Variants in SUPT3H observed in about 807,000 individuals in gnomAD.
SUPT3H encodes SPT3 homolog, SAGA and STAGA complex component, also known as transcription initiation protein SPT3 homolog.
A neutral mutation model predicts 44.3 loss-of-function variants in SUPT3H; 44 were observed. That is an observed-to-expected ratio of 0.99 (90% CI 0.78 to 1.28). SUPT3H has a LOEUF of 1.28. Among genes scored for constraint, SUPT3H ranks in the 50% most tolerant of loss-of-function variants. SUPT3H has a pLI of 0.00. For missense variants in SUPT3H, 380 were observed against 387.1 expected (o/e 0.98, Z 0.15); for synonymous variants, 124 against 125.6 (o/e 0.99, Z 0.09).
At chr6:44,884,546 A>G (rs780986503) in intron 10 of SUPT3H, among the ~76,000 whole-genome samples, 1 of 152,216 alleles carries the variant, frequency 6.6e-6, no homozygotes, top group Middle Eastern at 3.2e-3. Context: ...ACATATGTTT[A>G]CTGCAGCACT....
Position 45,172,685 on chromosome 6 carries a change from A to G in SUPT3H, c.102-66679T>C, listed in dbSNP as rs1160149592. 5.3e-5 allele frequency among the ~76,000 whole-genome samples: 8 copies of G among 150,766 alleles called. No individual in the cohort carries two copies. In the South Asian group the frequency reaches 1.5e-3, roughly 28 times the overall value. The stretch of plus-strand genomic sequence containing the variant: ...CAGCTCGCTACAACCTCTGCCTCCC[A>G]GGTTCAAGTGATTCTCCTGTCTCAG... On this transcript the variant is annotated intron_variant, in intron 2 of 10. Coordinates refer to ENST00000371459, the MANE Select transcript of SUPT3H (RefSeq NM_003599.4).
chr6:44,936,595 CTTTCTG>C (rs746946881), intron 9 of SUPT3H, among the ~76,000 whole-genome samples: 1 of 151,622 alleles, frequency 6.6e-6, no homozygotes, highest in Non-Finnish European at 1.5e-5. Context: ...CAATATTTGA[CTTTCTG>C]TTTCTGAGCT....
At chr6:44,962,231 C>A (rs2153478109) in intron 6 of SUPT3H, among the ~76,000 whole-genome samples, 1 of 152,236 alleles carries the variant, frequency 6.6e-6, no homozygotes, top group East Asian at 1.9e-4. Flanking sequence ...TGAATGGAAT[C>A]CATATATTCC....
At chr6:45,250,403 A>T (rs533015629) in intron 2 of SUPT3H, among the ~76,000 whole-genome samples, 86 of 152,002 alleles carry the variant, frequency 5.7e-4, no homozygotes, top group African/African-American at 2.0e-3. Flanking sequence ...CAAAGACAAT[A>T]AAAAAAGCTC....
chr6:45,015,654 T>A (rs78727801), intron 4 of SUPT3H, among the ~76,000 whole-genome samples: 1 of 152,162 alleles, frequency 6.6e-6, no homozygotes, highest in Non-Finnish European at 1.5e-5. Context: ...ACAGTAATAC[T>A]TAGCTTAAAA....
At chr6:45,194,192 A>AT (rs1278512345) in intron 2 of SUPT3H, among the ~76,000 whole-genome samples, 1 of 152,106 alleles carries the variant, frequency 6.6e-6, no homozygotes, top group Non-Finnish European at 1.5e-5. Flanking sequence ...TAAAATTTAC[A>AT]TTTTTTCCAT....
At chr6:45,037,785 CA>C (rs1787906071) in intron 3 of SUPT3H, among the ~76,000 whole-genome samples, 1 of 148,130 alleles carries the variant, frequency 6.8e-6, no homozygotes, top group Non-Finnish European at 1.5e-5. Context: ...GCCTGGGCAA[CA>C]AGAGCGAAAC....
intron 2 of SUPT3H, among the ~76,000 whole-genome samples, chr6:45,231,536 C>T (rs988512172): frequency 3.3e-5 from 5 of 152,144 alleles, no homozygotes; most frequent in Non-Finnish European, 1.5e-5. Context: ...CTATGTGTCA[C>T]TGACTTTAGG....
intron 2 of SUPT3H, among the ~76,000 whole-genome samples, chr6:45,125,120 A>G (rs1455130636): frequency 1.3e-5 from 2 of 152,192 alleles, no homozygotes; most frequent in East Asian, 3.9e-4. Context: ...AACCTCAACT[A>G]TGGGCAGTAA....
chr6:44,856,402 A>T (rs1342451794), intron 10 of SUPT3H, among the ~76,000 whole-genome samples: 1 of 152,186 alleles, frequency 6.6e-6, no homozygotes, highest in Non-Finnish European at 1.5e-5. Context: ...CTTTAGGAAT[A>T]CTCAAGATCA....
intron 2 of SUPT3H, among the ~76,000 whole-genome samples, chr6:45,203,513 C>A (rs1189012747): frequency 6.6e-6 from 1 of 152,218 alleles, no homozygotes; most frequent in African/African-American, 2.4e-5. Flanking sequence ...TTTCACTTCT[C>A]CCTCACTTGA....
chr6:45,191,483 T>G (rs966140607), intron 2 of SUPT3H, among the ~76,000 whole-genome samples: 4 of 152,152 alleles, frequency 2.6e-5, no homozygotes, highest in African/African-American at 9.7e-5. Context: ...AGTAATATAA[T>G]GGTGGATAAA....
intron 10 of SUPT3H, among the ~76,000 whole-genome samples, chr6:44,884,707 T>C (rs1370731813): frequency 1.6e-4 from 24 of 152,138 alleles, no homozygotes; most frequent in Non-Finnish European, 2.9e-5. Flanking sequence ...GGGTGATTTC[T>C]GCATTTCTAT....
intron 2 of SUPT3H, among the ~76,000 whole-genome samples, chr6:45,281,236 C>T (rs560126238): frequency 3.7e-4 from 56 of 152,326 alleles, no homozygotes; most frequent in African/African-American, 1.3e-3. Context: ...GACTGTCAGA[C>T]AGTGGGGACA....
intron 2 of SUPT3H, among the ~76,000 whole-genome samples, chr6:45,193,203 G>A (rs914803511): frequency 2.6e-5 from 4 of 151,990 alleles, no homozygotes; most frequent in Admixed American, 2.0e-4. Context: ...AATAACACAT[G>A]TACACCAAAA....
rs550790814 is a variant in SUPT3H, at chr6:45,308,502, A to G, written c.101+56699T>C. 3.9e-5 allele frequency among the ~76,000 whole-genome samples: 6 copies of G among 152,330 alleles called. No homozygotes were observed. The East Asian group carries it at 9.6e-4, about 24-fold the overall frequency. ...TGCATATCCAGCCAAACTAAGCTTC[A>G]TAAGTGAAGGAGAAATAAAATACTT... On this transcript the variant is annotated intron_variant, in intron 2 of 10. Coordinates refer to ENST00000371459, the MANE Select transcript of SUPT3H (RefSeq NM_003599.4).
At chr6:45,077,692 T>G (rs1795214400) in intron 3 of SUPT3H, among the ~76,000 whole-genome samples, 1 of 134,174 alleles carries the variant, frequency 7.5e-6, no homozygotes, top group South Asian at 2.4e-4. Context: ...AAATCTGTAT[T>G]TCTGCAAGGC....
intron 2 of SUPT3H, among the ~76,000 whole-genome samples, chr6:45,129,644 T>C (rs556301930): frequency 3.0e-4 from 45 of 152,320 alleles, no homozygotes; most frequent in African/African-American, 9.6e-4. Flanking sequence ...CTGATTTTTG[T>C]ACGTCAATAT....
chr6:44,997,908 A>G (rs1030313261), intron 6 of SUPT3H, among the ~76,000 whole-genome samples: 1 of 151,846 alleles, frequency 6.6e-6, no homozygotes, highest in African/African-American at 2.4e-5. Flanking sequence ...GGTTATTCTT[A>G]TTTGACCTAG....
Sources: gnomAD v4.1 joint callset for allele counts (sites outside exome capture counted in the v4.1 genomes callset) on GRCh38, gnomAD v4.1.1 for gene constraint, MANE v1.5 for transcripts, NCBI Gene and HGNC (gene_info 2026-07-23, HGNC 2026-07-21) for gene names.